Variants in VPS13A observed in about 807,000 individuals in gnomAD.
The protein encoded by VPS13A is vacuolar protein sorting 13 homolog A.
In VPS13A, 264 loss-of-function variants were observed where a neutral mutation model predicts 390.9. That is an observed-to-expected ratio of 0.68 (90% CI 0.61 to 0.75). The LOEUF is 0.75. Among genes scored for constraint, VPS13A ranks in the 30% least tolerant of loss-of-function variants. The pLI, the probability that VPS13A is intolerant of heterozygous loss-of-function variation, is 0.00. For missense variants in VPS13A, 3,409 were observed against 3,733.9 expected (o/e 0.91, Z 2.27); for synonymous variants, 1,231 against 1,227.1 (o/e 1.00, Z -0.07).
chr9:77,197,383 GCTAT>G (rs1324190597), intron 1 of VPS13A, among the ~76,000 whole-genome samples: 1 of 152,246 alleles, frequency 6.6e-6, no homozygotes, highest in South Asian at 2.1e-4. Context: ...CTAATGTAGT[GCTAT>G]CTGTTTCTCT....
intron 50 of VPS13A, among the ~76,000 whole-genome samples, chr9:77,341,690 CCT>C (rs1491174613): frequency 6.4e-3 from 150 of 23,574 alleles, no homozygotes; most frequent in African/African-American, 0.026. Flanking sequence ...GGACATCTTT[CCT>C]TTTTTTTTTT....
At position 77,415,958 on chromosome 9, in the gene VPS13A, G is replaced by T. The variant is rs766740147; in HGVS notation, c.9477G>T (p.Trp3159Cys). Residue 3159 changes from tryptophan (W) to cysteine (C), a missense_variant and splice_region_variant, in exon 72 of 72, where the codon TGG becomes TGT. Around this residue, in one of 5 missense-constraint regions of VPS13A, gnomAD observed 318 missense variants for 333.7 expected, o/e 0.95. Transcript: ENST00000360280. Reference protein sequence around the residue: ...INFKTPEDARWILTKLQEARE... With the variant: ...INFKTPEDARCILTKLQEARE... ...GTTCATTTATTTTCCCACCGCAGTG[G>T]ATCCTCACAAAGCTACAAGAAGCAA... 5 of 1,613,174 alleles carry T rather than the reference G, an allele frequency of 3.1e-6. No homozygotes were observed. The East Asian group carries it at 1.1e-4, about 36-fold the overall frequency.
At chr9:77,303,222 T>C (rs1440354686) in intron 34 of VPS13A, among the ~76,000 whole-genome samples, 160 bp downstream of exon 34, 1 of 152,236 alleles carries the variant, frequency 6.6e-6, no homozygotes, top group African/African-American at 2.4e-5. Flanking sequence ...TAAAATGGTC[T>C]TGATTTATTC....
At chr9:77,234,610 A>T (rs1824028731) in intron 17 of VPS13A, among the ~76,000 whole-genome samples, 1 of 152,046 alleles carries the variant, frequency 6.6e-6, no homozygotes, top group African/African-American at 2.4e-5. Context: ...TTTTTCATCC[A>T]TTCTGCCAGT....
intron 59 of VPS13A, among the ~76,000 whole-genome samples, chr9:77,364,229 C>T (rs2131575063): frequency 6.6e-6 from 1 of 152,110 alleles, no homozygotes; most frequent in African/African-American, 2.4e-5. Flanking sequence ...AGTTCGAGAC[C>T]ACCCTGGCAA....
intron 2 of VPS13A, among the ~76,000 whole-genome samples, chr9:77,200,875 A>G (rs1825292953): frequency 6.6e-6 from 1 of 152,278 alleles, no homozygotes; most frequent in African/African-American, 2.4e-5. Flanking sequence ...ATTTTTGTAT[A>G]TGGTATAGGA....
intron 54 of VPS13A, among the ~76,000 whole-genome samples, chr9:77,354,841 A>T (rs966600745): frequency 6.6e-6 from 1 of 152,174 alleles, no homozygotes; most frequent in Admixed American, 6.5e-5. Flanking sequence ...CAGCGTTTGC[A>T]TACTACTTGC....
At chr9:77,372,822 G>A (rs1402072648) in intron 67 of VPS13A, among the ~76,000 whole-genome samples, 1 of 152,098 alleles carries the variant, frequency 6.6e-6, no homozygotes, top group Admixed American at 6.6e-5. Flanking sequence ...AAAATCACAA[G>A]CATTCTTATA....
intron 16 of VPS13A, 67 bp from the exon 17 acceptor site, chr9:77,228,055 A>G (rs1027819767): frequency 7.5e-6 from 9 of 1,200,558 alleles, no homozygotes; most frequent in African/African-American, 3.1e-5. Flanking sequence ...TGAATGTACT[A>G]TAAGAATATT....
In VPS13A at chr9:77,315,600, A is replaced by G. The variant is rs1829337297; in HGVS notation, c.4630+130A>G. Reference sequence around the variant, plus strand: ...TTAAAATTTTATTTTTCAGAGTAGAAGGAAAACCTTAATGTGTTTTCTTGG... The same window carrying G: ...TTAAAATTTTATTTTTCAGAGTAGAGGGAAAACCTTAATGTGTTTTCTTGG... On this transcript the variant is annotated intron_variant, in intron 38 of 71. Coordinates refer to ENST00000360280, the MANE Select transcript of VPS13A (RefSeq NM_033305.3). The G allele has an allele frequency of 2.3e-5, 22 of 940,954 alleles. No individual in the cohort carries two copies. In the South Asian group the frequency reaches 3.2e-4, roughly 14 times the overall value. The allele number at this position is 940,954 out of a possible 1,614,324, so 58.3% of individuals were successfully genotyped here.
intron 1 of VPS13A, among the ~76,000 whole-genome samples, chr9:77,181,443 G>A (rs1406566327): frequency 6.7e-6 from 1 of 149,710 alleles, no homozygotes; most frequent in African/African-American, 2.5e-5. Context: ...TTGAAGCTGG[G>A]AGGCATAGGT....
chr9:77,178,830 ATATT>A (rs1303549281), intron 1 of VPS13A, among the ~76,000 whole-genome samples: 2 of 152,230 alleles, frequency 1.3e-5, no homozygotes, highest in Non-Finnish European at 2.9e-5. Context: ...GTTTAAATAT[ATATT>A]TAAAGTAATT....
At chr9:77,283,262 A>G (rs1209376697) in intron 29 of VPS13A, 93 bp from the exon 30 acceptor site, 7 of 755,138 alleles carry the variant, frequency 9.3e-6, no homozygotes, top group African/African-American at 1.8e-5. Context: ...TGATATCACT[A>G]TTTGTGGTGA....
chr9:77,252,959 T>C (rs1825227425), intron 22 of VPS13A, among the ~76,000 whole-genome samples: 1 of 152,236 alleles, frequency 6.6e-6, no homozygotes, highest in Non-Finnish European at 1.5e-5. Flanking sequence ...AAATATCTGC[T>C]TAAGTCCCTG....
intron 1 of VPS13A, among the ~76,000 whole-genome samples, chr9:77,195,165 A>G (rs189948983): frequency 1.3e-5 from 2 of 152,166 alleles, no homozygotes; most frequent in Admixed American, 1.3e-4. Flanking sequence ...AGCCTGTCAC[A>G]CAGGCTGGAG....
At position 77,316,155 on chromosome 9, in the gene VPS13A, CTATTTT is replaced by C. The variant is rs2131432501; in HGVS notation, c.4631-13_4631-8del. The C allele has an allele frequency of 7.0e-7, 1 of 1,431,496 alleles. No individual in the cohort carries two copies. The highest frequency in any genetic ancestry group is 2.3e-5 in the East Asian group (1 of 42,710). The allele number at this position is 1,431,496 out of a possible 1,614,324, so 88.7% of individuals were successfully genotyped here. ...CATAATATATAGCAAATATTTTAATCTATTTTTATTTGTTTTAGTACCTACACAGGA... is the reference window on the plus strand; with the variant it reads ...CATAATATATAGCAAATATTTTAATCTATTTGTTTTAGTACCTACACAGGA... On this transcript the variant is annotated splice_polypyrimidine_tract_variant and intron_variant, in intron 38 of 71. Transcript: ENST00000360280.
chr9:77,177,667 GCACGGGCCGGCTGCCGTGCCCAC>G lies in VPS13A; in HGVS notation c.-32_-10del, dbSNP rs1564608513. 6.3e-7 allele frequency: 1 copy of G among 1,584,574 alleles called. No homozygotes were observed. The highest frequency in any genetic ancestry group is 1.7e-5 in the Admixed American group (1 of 59,790). The stretch of plus-strand genomic sequence containing the variant: ...TGGGGAAGGCGGCGGGAGGAGGAGC[GCACGGGCCGGCTGCCGTGCCCAC>G]CACGGCTGAGGAACATGGTTTTCGA... On this transcript the variant is annotated 5_prime_UTR_variant, in exon 1 of 72. Transcript: ENST00000360280.
chr9:77,347,122 G>GC (rs932521554), intron 52 of VPS13A, among the ~76,000 whole-genome samples: 1 of 152,128 alleles, frequency 6.6e-6, no homozygotes, highest in Non-Finnish European at 1.5e-5. Flanking sequence ...ATAACGTGAT[G>GC]CCCCCAGGTT....
chr9:77,352,610 T>G (rs1316797833), intron 53 of VPS13A, among the ~76,000 whole-genome samples: 1 of 152,174 alleles, frequency 6.6e-6, no homozygotes, highest in Non-Finnish European at 1.5e-5. Flanking sequence ...TAAAGATAAA[T>G]CAGACATTCA....
Sources: allele counts gnomAD v4.1 joint callset (sites outside exome capture counted in the v4.1 genomes callset), GRCh38; gene constraint gnomAD v4.1.1; regional missense constraint gnomAD v4.1.1; transcripts MANE v1.5; gene names NCBI Gene and HGNC (gene_info 2026-07-23, HGNC 2026-07-21).